The following THSD7B variants were observed in gnomAD, a reference collection of about 807,000 sequenced individuals.
THSD7B encodes thrombospondin type-1 domain-containing protein 7B.
Under a neutral mutation model 213.6 loss-of-function variants are expected in THSD7B, and 138 were observed. The ratio of observed to expected loss-of-function variants is 0.65; its 90% CI spans 0.56 to 0.74. The LOEUF is 0.74. THSD7B is among the 30% of genes least tolerant of loss of function. The pLI, the probability that THSD7B is intolerant of heterozygous loss-of-function variation, is 0.00. For synonymous variants in THSD7B, 742 were observed against 687.0 expected (o/e 1.08, Z -1.25); for missense variants, 1,931 against 1,991.5 (o/e 0.97, Z 0.58).
intron 17 of THSD7B, among the ~76,000 whole-genome samples, chr2:137,589,317 C>T (rs1035909866): frequency 3.9e-5 from 6 of 151,976 alleles, no homozygotes; most frequent in Non-Finnish European, 7.4e-5. Context: ...AATGTATTTT[C>T]TCTTTTATAA....
intron 15 of THSD7B, among the ~76,000 whole-genome samples, chr2:137,547,951 C>T (rs1209466674): frequency 1.3e-5 from 2 of 151,964 alleles, no homozygotes; most frequent in African/African-American, 2.4e-5. Flanking sequence ...TCCTGGAATT[C>T]AGGTCAGATC....
intron 2 of THSD7B, among the ~76,000 whole-genome samples, chr2:136,933,369 G>A (rs1684666739): frequency 6.6e-6 from 1 of 152,114 alleles, no homozygotes; most frequent in African/African-American, 2.4e-5. Flanking sequence ...GAGGTCAGGA[G>A]TTCAAGAGCA....
intron 15 of THSD7B, among the ~76,000 whole-genome samples, chr2:137,551,054 A>G (rs1487671615): frequency 2.0e-5 from 3 of 151,972 alleles, no homozygotes; most frequent in African/African-American, 7.2e-5. Context: ...CATTGAAGTA[A>G]TCAAAAGATA....
intron 1 of THSD7B, among the ~76,000 whole-genome samples, chr2:136,855,552 A>C (rs1683164159): frequency 6.6e-6 from 1 of 152,112 alleles, no homozygotes; most frequent in Non-Finnish European, 1.5e-5. Flanking sequence ...CAGCCTCCTG[A>C]GAAGCTGGGA....
intron 2 of THSD7B, among the ~76,000 whole-genome samples, chr2:137,015,076 C>G (rs1243392667): frequency 2.0e-5 from 3 of 152,086 alleles, no homozygotes; most frequent in African/African-American, 7.2e-5. Context: ...CTTATCACCA[C>G]TTACTCATAT....
intron 5 of THSD7B, among the ~76,000 whole-genome samples, chr2:137,145,809 A>G (rs960306762): frequency 1.3e-5 from 2 of 152,134 alleles, no homozygotes; most frequent in African/African-American, 4.8e-5. Context: ...GAAATATGTA[A>G]TAACGCTTTC....
chr2:136,794,100 G>GT (rs140567333), intron 1 of THSD7B, among the ~76,000 whole-genome samples: 7,026 of 143,526 alleles, frequency 0.049, 545 homozygotes, highest in African/African-American at 0.16. Context: ...TGTGTGCTTT[G>GT]TTTTTTTTTT....
At chr2:137,154,072 A>G (rs776689091) in intron 5 of THSD7B, among the ~76,000 whole-genome samples, 10 of 152,252 alleles carry the variant, frequency 6.6e-5, no homozygotes, top group Non-Finnish European at 1.2e-4. Context: ...TATTCTGGAA[A>G]TCAAAATCAT....
At chr2:137,369,954 T>C (rs1046756875) in intron 12 of THSD7B, among the ~76,000 whole-genome samples, 2 of 143,462 alleles carry the variant, frequency 1.4e-5, no homozygotes, top group Non-Finnish European at 3.0e-5. Context: ...TTTGAATAGC[T>C]GTCTCTGTTA....
chr2:137,309,522 A>G (rs1007025838), intron 12 of THSD7B, among the ~76,000 whole-genome samples: 2 of 151,428 alleles, frequency 1.3e-5, no homozygotes, highest in Admixed American at 6.6e-5. Context: ...TATTATTATT[A>G]TACTTTAAGT....
intron 7 of THSD7B, among the ~76,000 whole-genome samples, chr2:137,190,306 A>G (rs746858912): frequency 6.6e-6 from 1 of 152,212 alleles, no homozygotes; most frequent in Admixed American, 6.5e-5. Flanking sequence ...CGCTTAGTGC[A>G]TGATAGTTCA....
chr2:137,583,520 G>A (rs1681635234), intron 17 of THSD7B, among the ~76,000 whole-genome samples: 1 of 152,182 alleles, frequency 6.6e-6, no homozygotes, highest in African/African-American at 2.4e-5. Flanking sequence ...TTTGTATAAG[G>A]TGTGAGGAAG....
chr2:136,836,792 C>G (rs1682850469), intron 1 of THSD7B, among the ~76,000 whole-genome samples: 1 of 152,128 alleles, frequency 6.6e-6, no homozygotes, highest in Admixed American at 6.5e-5. Flanking sequence ...TATATCTCTC[C>G]TTGGATGTCT....
chr2:137,583,471 G>A (rs1275899243), intron 17 of THSD7B, among the ~76,000 whole-genome samples: 2 of 152,076 alleles, frequency 1.3e-5, no homozygotes, highest in Non-Finnish European at 2.9e-5. Flanking sequence ...TATGGTTTTA[G>A]GTCTAACATT....
chr2:137,276,564 C>T (rs530261845), intron 12 of THSD7B, among the ~76,000 whole-genome samples: 1 of 152,052 alleles, frequency 6.6e-6, no homozygotes, highest in South Asian at 2.1e-4. Flanking sequence ...AGCTTCTGGA[C>T]CTGAGTAGAA....
chr2:137,054,009 A>G (rs538733494), intron 2 of THSD7B, among the ~76,000 whole-genome samples: 36 of 152,334 alleles, frequency 2.4e-4, no homozygotes, highest in Non-Finnish European at 4.7e-4. Context: ...AATGAATAGA[A>G]CACTTAAACT....
intron 12 of THSD7B, among the ~76,000 whole-genome samples, chr2:137,365,082 C>T (rs1685374649): frequency 6.6e-6 from 1 of 152,034 alleles, no homozygotes; most frequent in African/African-American, 2.4e-5. Context: ...TCAGAAATAA[C>T]ACCACACACC....
chr2:137,145,945 C>A (rs2033628), intron 5 of THSD7B, among the ~76,000 whole-genome samples: 112,741 of 151,914 alleles, frequency 0.74, 42,003 homozygotes, highest in Middle Eastern at 0.76. Flanking sequence ...TTCTCTCTCA[C>A]AACTTCATAG....
At chr2:137,103,707 GA>G (rs1186457725) in intron 4 of THSD7B, among the ~76,000 whole-genome samples, 9 of 141,940 alleles carry the variant, frequency 6.3e-5, no homozygotes, top group East Asian at 2.0e-4. Context: ...CAAATAGAAA[GA>G]AAAAAAAAAG....
Sources: allele counts gnomAD v4.1 joint callset (sites outside exome capture counted in the v4.1 genomes callset), GRCh38; gene constraint gnomAD v4.1.1; transcripts MANE v1.5; gene names NCBI Gene and HGNC (gene_info 2026-07-23, HGNC 2026-07-21).